Variants in NALCN observed in about 807,000 individuals in gnomAD.
NALCN encodes the protein sodium leak channel, non-selective, also known as sodium leak channel NALCN.
NALCN carries 111 observed loss-of-function variants against 225.3 expected under a neutral mutation model. That is an observed-to-expected ratio of 0.49 (90% CI 0.42 to 0.58). The LOEUF is 0.58. Among genes scored for constraint, NALCN ranks in the 20% least tolerant of loss-of-function variants. NALCN has a pLI of 0.00. For synonymous variants in NALCN, 764 were observed against 769.0 expected (o/e 0.99, Z 0.11); for missense variants, 1,378 against 2,202.4 (o/e 0.63, Z 7.49).
chr13:101,221,624 CAG>C (rs2040944558), intron 13 of NALCN, among the ~76,000 whole-genome samples: 1 of 152,122 alleles, frequency 6.6e-6, no homozygotes, highest in South Asian at 2.1e-4. Flanking sequence ...AATATGTGGA[CAG>C]TTTACTCCTT....
At chr13:101,119,446 C>G (rs1242768318) in intron 18 of NALCN, among the ~76,000 whole-genome samples, 1 of 152,078 alleles carries the variant, frequency 6.6e-6, no homozygotes. Flanking sequence ...ACTGAGCATT[C>G]GAAAGGTTAT....
chr13:101,129,074 G>C (rs2036384612), intron 17 of NALCN, among the ~76,000 whole-genome samples: 1 of 152,110 alleles, frequency 6.6e-6, no homozygotes, highest in Non-Finnish European at 1.5e-5. Flanking sequence ...TACGGGTCTT[G>C]ATGTTCATTT....
At chr13:101,235,491 AAGGT>A (rs1463652409) in intron 12 of NALCN, among the ~76,000 whole-genome samples, 2 of 140,018 alleles carry the variant, frequency 1.4e-5, no homozygotes, top group East Asian at 4.8e-4. Flanking sequence ...ATGATGCCCT[AAGGT>A]AGGTACTCAA....
At chr13:101,174,635 A>G (rs2038883852) in intron 15 of NALCN, among the ~76,000 whole-genome samples, 1 of 152,200 alleles carries the variant, frequency 6.6e-6, no homozygotes, top group Admixed American at 6.5e-5. Context: ...AACACTGCAA[A>G]GTATCCTTAG....
At chr13:101,203,513 G>C (rs917158435) in intron 13 of NALCN, among the ~76,000 whole-genome samples, 1 of 152,174 alleles carries the variant, frequency 6.6e-6, no homozygotes, top group Non-Finnish European at 1.5e-5. Context: ...CACTGTGCCC[G>C]GCCCAGAATT....
At chr13:101,066,766 G>A (rs180762036) in intron 39 of NALCN, among the ~76,000 whole-genome samples, 2 of 152,270 alleles carry the variant, frequency 1.3e-5, no homozygotes, top group East Asian at 3.9e-4. Context: ...AAATTGGGGT[G>A]AGTGCACTGC....
In NALCN at chr13:101,255,364, C is replaced by T. The variant is rs541967315; in HGVS notation, c.1266+3079G>A. On this transcript the variant is annotated intron_variant, in intron 11 of 43. Coordinates refer to ENST00000251127, the MANE Select transcript of NALCN (RefSeq NM_052867.4). ...ACATGAAAAAGTTAGGTAAAATTTA[C>T]TAAAGAATTCCCTTCCCTGCTGTTG... is the stretch of plus-strand genomic sequence containing the variant. 2.4e-3 allele frequency among the ~76,000 whole-genome samples: 362 copies of T among 152,296 alleles called. 1 individual carries two copies. Among genetic ancestry groups the T allele is most frequent in the African/African-American group, 7.5e-3 (313 of 41,564 alleles).
At chr13:101,348,564 C>A (rs138541737) in intron 6 of NALCN, among the ~76,000 whole-genome samples, 1 of 151,932 alleles carries the variant, frequency 6.6e-6, no homozygotes, top group Non-Finnish European at 1.5e-5. Context: ...CAGAATGGTG[C>A]CAAAAATAAG....
At chr13:101,125,664 AAC>A (rs919508485) in intron 17 of NALCN, among the ~76,000 whole-genome samples, 1 of 152,282 alleles carries the variant, frequency 6.6e-6, no homozygotes, top group African/African-American at 2.4e-5. Context: ...TAAAGGAGAA[AAC>A]ACAAGATCAG....
chr13:101,089,577 A>G lies in NALCN; in HGVS notation c.3489+86T>C. On this transcript the variant is annotated intron_variant, in intron 30 of 43. Transcript: ENST00000251127. The surrounding 1 kb of genome is among the most constrained non-coding windows in gnomAD (Gnocchi z 4.7). Reference sequence around the variant, plus strand: ...TCACATTACAGTTTAAAGCGGCTTCACGCCGCGTGTGAAAAGAAACAAATA... The same window carrying G: ...TCACATTACAGTTTAAAGCGGCTTCGCGCCGCGTGTGAAAAGAAACAAATA... 1.7e-6 allele frequency: 2 copies of G among 1,204,378 alleles called. No homozygotes were observed. The highest frequency in any genetic ancestry group is 2.4e-6 in the Non-Finnish European group (2 of 832,904). 74.6% of individuals were successfully genotyped at this position (1,204,378 alleles called of 1,614,324 possible). A position where few individuals can be genotyped will look rare whatever the true frequency, so the allele number is the denominator to read the frequency against.
intron 10 of NALCN, among the ~76,000 whole-genome samples, chr13:101,271,400 G>T (rs961058013): frequency 6.6e-6 from 1 of 152,156 alleles, no homozygotes; most frequent in African/African-American, 2.4e-5. Flanking sequence ...TTTGGCCACT[G>T]ACTTCAAAAT....
At chr13:101,388,955 G>A (rs765761550) in intron 3 of NALCN, among the ~76,000 whole-genome samples, 7 of 152,218 alleles carry the variant, frequency 4.6e-5, no homozygotes, top group Middle Eastern at 3.4e-3. Context: ...AGCTAGGGCC[G>A]GGCAACTACA....
At chr13:101,297,071 T>G (rs1280896209) in intron 7 of NALCN, among the ~76,000 whole-genome samples, 2 of 152,158 alleles carry the variant, frequency 1.3e-5, no homozygotes, top group African/African-American at 4.8e-5. Context: ...TCTTTTCCCA[T>G]GAAAAAAGAG....
intron 42 of NALCN, chr13:101,058,283 G>T (rs1346770712): frequency 1.2e-5 from 6 of 504,556 alleles, no homozygotes; most frequent in Non-Finnish European, 2.1e-5. Flanking sequence ...GGGACATCTT[G>T]TCCTGGGTAA....
At position 101,352,925 on chromosome 13, in the gene NALCN, A is replaced by G. The variant is rs1470190361; in HGVS notation, c.645-7505T>C. ...AAGACATTTGCAGAGTCCAAGCTACAATACATTTCTGAAGTCGGCATTCCA... is the reference window on the plus strand; with the variant it reads ...AAGACATTTGCAGAGTCCAAGCTACGATACATTTCTGAAGTCGGCATTCCA... On this transcript the variant is annotated intron_variant, in intron 6 of 43. Coordinates refer to ENST00000251127, the MANE Select transcript of NALCN (RefSeq NM_052867.4). 3.3e-5 allele frequency among the ~76,000 whole-genome samples: 5 copies of G among 152,200 alleles called. No homozygotes were observed. The East Asian group carries it at 5.8e-4, about 18-fold the overall frequency.
At chr13:101,260,086 C>A (rs2042376383) in intron 10 of NALCN, among the ~76,000 whole-genome samples, 1 of 151,806 alleles carries the variant, frequency 6.6e-6, no homozygotes. Context: ...GTTTGATTAT[C>A]TTGATTTTGT....
At chr13:101,390,349 T>TC (rs2047110529) in intron 3 of NALCN, among the ~76,000 whole-genome samples, 2 of 151,060 alleles carry the variant, frequency 1.3e-5, no homozygotes, top group African/African-American at 2.4e-5. Context: ...AGGAGTGAAA[T>TC]ACAGGGGACA....
intron 17 of NALCN, among the ~76,000 whole-genome samples, chr13:101,136,992 A>C (rs1399020685): frequency 2.0e-5 from 3 of 152,192 alleles, no homozygotes; most frequent in Admixed American, 1.3e-4. Flanking sequence ...AATGATCGCC[A>C]TTCTAACTGG....
chr13:101,403,639 T>C (rs1372519112), intron 1 of NALCN, among the ~76,000 whole-genome samples: 1 of 152,216 alleles, frequency 6.6e-6, no homozygotes, highest in African/African-American at 2.4e-5. Flanking sequence ...ACAGAAGTCA[T>C]TGACTCATTT....
Sources: allele counts gnomAD v4.1 joint callset (sites outside exome capture counted in the v4.1 genomes callset), GRCh38; gene constraint gnomAD v4.1.1; non-coding constraint Gnocchi (gnomAD v3.1); transcripts MANE v1.5; gene names NCBI Gene and HGNC (gene_info 2026-07-23, HGNC 2026-07-21).